TRHDE: variants seen among roughly 807,000 people sequenced by gnomAD.
The protein encoded by TRHDE is thyrotropin releasing hormone degrading enzyme, also known as thyrotropin-releasing hormone-degrading ectoenzyme.
In TRHDE, 72 loss-of-function variants were observed where a neutral mutation model predicts 125.7. The ratio of observed to expected loss-of-function variants is 0.57; its 90% CI spans 0.47 to 0.70. The LOEUF (loss-of-function observed/expected upper bound fraction) is 0.70. Ranked by LOEUF, TRHDE falls within the 30% of genes least tolerant of loss-of-function variation. The probability of loss-of-function intolerance (pLI) is 0.00; values close to 1 mark genes in which losing one functional copy is unlikely to be tolerated. For missense variants in TRHDE, 1,110 were observed against 1,327.1 expected (o/e 0.84, Z 2.54); for synonymous variants, 509 against 509.1 (o/e 1.00, Z 0.00).
intron 2 of TRHDE, among the ~76,000 whole-genome samples, chr12:72,318,750 A>G (rs1210024393): frequency 9.2e-5 from 14 of 152,144 alleles, no homozygotes. Flanking sequence ...TTGTCTAAAA[A>G]TGGAACGATT....
At chr12:72,360,183 T>C (rs1420499389) in intron 2 of TRHDE, among the ~76,000 whole-genome samples, 1 of 151,758 alleles carries the variant, frequency 6.6e-6, no homozygotes, top group East Asian at 1.9e-4. Context: ...TTGAGGGCAA[T>C]GAATGATTTC....
chr12:72,625,887 A>G (rs1873238716), intron 15 of TRHDE, among the ~76,000 whole-genome samples: 1 of 151,988 alleles, frequency 6.6e-6, no homozygotes, highest in Admixed American at 6.6e-5. Flanking sequence ...ATAAATAAAA[A>G]TTGTCCTACA....
chr12:72,147,532 C>T (rs1876257509), intron 2 of TRHDE: 1 of 152,162 alleles, frequency 6.6e-6, no homozygotes, highest in African/African-American at 2.4e-5. Context: ...TAAAAATCTG[C>T]ATCTTTTTGA....
In TRHDE at chr12:72,420,110, C is replaced by T. The variant is rs1873890337; in HGVS notation, c.1315+41989C>T. ...TTAAGCAGTGCTTTTTTATTGGCCT[C>T]TGCATTCTGCTACATCCTACAGCTA... is the stretch of plus-strand genomic sequence containing the variant. On this transcript the variant is annotated intron_variant, in intron 3 of 18. Transcript: ENST00000261180. Among the ~76,000 whole-genome samples the T allele has an allele frequency of 5.3e-5, 8 of 152,286 alleles. No individual in the cohort carries two copies. In the South Asian group the frequency reaches 1.5e-3, roughly 28 times the overall value.
chr12:72,450,902 G>A (rs1441954774), intron 3 of TRHDE, among the ~76,000 whole-genome samples: 1 of 152,082 alleles, frequency 6.6e-6, no homozygotes, highest in Non-Finnish European at 1.5e-5. Flanking sequence ...AATTAGTGAT[G>A]TTGACATTTT....
intron 3 of TRHDE, among the ~76,000 whole-genome samples, chr12:72,380,698 G>GCTTC (rs199912564): frequency 0.036 from 4,810 of 131,798 alleles, 178 homozygotes; most frequent in Non-Finnish European, 0.041. Flanking sequence ...GCAGGCTGCA[G>GCTTC]CTTCCTTCCT....
chr12:72,334,033 A>G (rs1869722354), intron 2 of TRHDE, among the ~76,000 whole-genome samples: 1 of 152,152 alleles, frequency 6.6e-6, no homozygotes, highest in Non-Finnish European at 1.5e-5. Flanking sequence ...TGGCTTTCCT[A>G]ATTACTCTCT....
chr12:72,325,878 T>C (rs1445199099), intron 2 of TRHDE, among the ~76,000 whole-genome samples: 2 of 152,172 alleles, frequency 1.3e-5, no homozygotes, highest in African/African-American at 4.8e-5. Context: ...ACACAAAATA[T>C]GATTTTTGTT....
At chr12:72,195,614 TG>T (rs1877426033) in intron 2 of TRHDE, among the ~76,000 whole-genome samples, 1 of 152,132 alleles carries the variant, frequency 6.6e-6, no homozygotes, top group Admixed American at 6.6e-5. Flanking sequence ...TGCTTGTTTT[TG>T]TTCCTTATAG....
intron 2 of TRHDE, among the ~76,000 whole-genome samples, chr12:72,315,538 G>T (rs1410458134): frequency 1.3e-5 from 2 of 152,116 alleles, no homozygotes; most frequent in Non-Finnish European, 2.9e-5. Context: ...AGTGCTGCAG[G>T]ATATTAAGAC....
chr12:72,478,751 G>A (rs1478566488), intron 5 of TRHDE, among the ~76,000 whole-genome samples: 1 of 151,968 alleles, frequency 6.6e-6, no homozygotes, highest in African/African-American at 2.4e-5. Context: ...GTTGTACACT[G>A]AGTATATGCT....
intron 2 of TRHDE, chr12:72,255,632 C>T (rs565949212): frequency 3.3e-5 from 5 of 152,308 alleles, no homozygotes; most frequent in East Asian, 1.9e-4. Flanking sequence ...GAACAATCCC[C>T]GGGCTGTTCC....
At chr12:72,574,596 T>G (rs748447653) in intron 10 of TRHDE, among the ~76,000 whole-genome samples, 2 of 152,128 alleles carry the variant, frequency 1.3e-5, no homozygotes, top group African/African-American at 4.8e-5. Flanking sequence ...TTACTTTTTA[T>G]TGGCTTCTGT....
intron 15 of TRHDE, among the ~76,000 whole-genome samples, chr12:72,638,367 T>C (rs1592589010): frequency 6.6e-6 from 1 of 152,174 alleles, no homozygotes; most frequent in African/African-American, 2.4e-5. Context: ...GTAGATCTTC[T>C]TCCATCCCTT....
chr12:72,641,003 A>C (rs1874035268), intron 15 of TRHDE, among the ~76,000 whole-genome samples: 1 of 152,152 alleles, frequency 6.6e-6, no homozygotes, highest in Non-Finnish European at 1.5e-5. Context: ...TAATGAAAGA[A>C]TCTTGTACTC....
intron 2 of TRHDE, among the ~76,000 whole-genome samples, chr12:72,185,063 G>A (rs907677667): frequency 2.0e-5 from 3 of 152,178 alleles, no homozygotes; most frequent in Non-Finnish European, 4.4e-5. Context: ...CGGGAACCGG[G>A]GCTGCCTGCG....
intron 2 of TRHDE, among the ~76,000 whole-genome samples, chr12:72,183,588 G>T (rs2139343085): frequency 6.6e-6 from 1 of 152,238 alleles, no homozygotes; most frequent in East Asian, 1.9e-4. Context: ...GGTCAAAATA[G>T]TCGAATATTG....
chr12:72,644,411 G>A (rs1874194253), intron 15 of TRHDE, among the ~76,000 whole-genome samples: 1 of 152,168 alleles, frequency 6.6e-6, no homozygotes, highest in Admixed American at 6.5e-5. Context: ...GTGTGAGGGA[G>A]AATGGAGATG....
At chr12:72,279,872 T>G (rs1205553671) in intron 1 of TRHDE, among the ~76,000 whole-genome samples, 2 of 152,168 alleles carry the variant, frequency 1.3e-5, no homozygotes, top group African/African-American at 4.8e-5. Context: ...CAGGATGAAG[T>G]TTTGTTTTAA....
Sources: gnomAD v4.1 joint callset for allele counts (sites outside exome capture counted in the v4.1 genomes callset) on GRCh38, gnomAD v4.1.1 for gene constraint, MANE v1.5 for transcripts, NCBI Gene and HGNC (gene_info 2026-07-23, HGNC 2026-07-21) for gene names.